Variants in UVRAG observed in about 807,000 individuals in gnomAD.
The protein encoded by UVRAG is UV radiation resistance-associated gene protein.
Under a neutral mutation model 78.0 loss-of-function variants are expected in UVRAG, and 19 were observed. The observed-to-expected ratio is 0.24, with a 90% CI of 0.17 to 0.36. The LOEUF is 0.36. Ranked by LOEUF, UVRAG falls within the 10% of genes least tolerant of loss-of-function variation. UVRAG has a pLI of 1.00. For missense variants in UVRAG, 740 were observed against 853.8 expected, an observed-to-expected ratio of 0.87 and a Z score of 1.66; for synonymous variants, 323 against 324.6, an observed-to-expected ratio of 1.00 and a Z score of 0.05.
At chr11:75,830,289 T>C (rs1236102468) in intron 1 of UVRAG, among the ~76,000 whole-genome samples, 2 of 151,976 alleles carry the variant, frequency 1.3e-5, no homozygotes, top group Admixed American at 1.3e-4. Context: ...TTCTTTTTTT[T>C]TTGAGACAGT....
intron 8 of UVRAG, among the ~76,000 whole-genome samples, chr11:75,993,110 C>A (rs1344182893): frequency 1.3e-5 from 2 of 152,174 alleles, no homozygotes; most frequent in Non-Finnish European, 2.9e-5. Flanking sequence ...CTGTCTGCAT[C>A]TTTTTACACA....
At chr11:76,057,212 A>G (rs1307868450) in intron 12 of UVRAG, among the ~76,000 whole-genome samples, 1 of 92,682 alleles carries the variant, frequency 1.1e-5, no homozygotes, top group African/African-American at 4.7e-5. Context: ...CCACAATCAG[A>G]TTTGATTTTT....
chr11:76,066,323 G>T (rs1273773016), intron 13 of UVRAG, among the ~76,000 whole-genome samples: 2 of 152,100 alleles, frequency 1.3e-5, no homozygotes, highest in African/African-American at 2.4e-5. Context: ...CTTTCCGTAT[G>T]CCGTAGTAAG....
At chr11:76,014,335 C>A (rs1021918045) in intron 11 of UVRAG, among the ~76,000 whole-genome samples, 1 of 152,174 alleles carries the variant, frequency 6.6e-6, no homozygotes, top group African/African-American at 2.4e-5. Context: ...ATTTAAGAGG[C>A]CTGCTCCTTT....
chr11:76,119,177 C>T (rs554524638), intron 14 of UVRAG, among the ~76,000 whole-genome samples: 13 of 152,180 alleles, frequency 8.5e-5, no homozygotes, highest in Non-Finnish European at 1.9e-4. Context: ...TTATCCTGTT[C>T]AGTGGCACCT....
rs75490749 is a variant in UVRAG at position 75,885,007 on chromosome 11, T to C, written c.433-3822T>C. Among the ~76,000 whole-genome samples, 39 of 152,160 alleles carry C rather than the reference T, an allele frequency of 2.6e-4. No individual in the cohort carries two copies. In the East Asian group the frequency reaches 3.9e-3, roughly 15 times the overall value. On this transcript the variant is annotated intron_variant, in intron 4 of 14. Coordinates refer to ENST00000356136, the MANE Select transcript of UVRAG (RefSeq NM_003369.4). ...AGTATTGAGTCTTTCAGTCTATAGATATGTCTCTCCATTTATAAAAATTTT... is the reference window on the plus strand; with the variant it reads ...AGTATTGAGTCTTTCAGTCTATAGACATGTCTCTCCATTTATAAAAATTTT...
chr11:76,043,137 A>T (rs553538238), intron 12 of UVRAG, among the ~76,000 whole-genome samples: 1 of 152,366 alleles, frequency 6.6e-6, no homozygotes, highest in South Asian at 2.1e-4. Context: ...TAACTAAAAA[A>T]TAATATCTGT....
At chr11:75,951,347 GTGTGTGTGTGTGTA>G (rs1237965172) in intron 6 of UVRAG, among the ~76,000 whole-genome samples, 2 of 149,110 alleles carry the variant, frequency 1.3e-5, no homozygotes, top group African/African-American at 5.1e-5. Flanking sequence ...GTGTGTGTGT[GTGTGTGTGTGTGTA>G]TATATTTTTT....
intron 14 of UVRAG, among the ~76,000 whole-genome samples, chr11:76,116,822 T>A (rs1382784268): frequency 1.3e-5 from 2 of 152,174 alleles, no homozygotes; most frequent in African/African-American, 4.8e-5. Flanking sequence ...AAATTCTACC[T>A]CTCTGAAATT....
intron 6 of UVRAG, among the ~76,000 whole-genome samples, chr11:75,938,765 C>G (rs1948428181): frequency 6.6e-6 from 1 of 152,140 alleles, no homozygotes; most frequent in Non-Finnish European, 1.5e-5. Context: ...TCAGATGATT[C>G]ACTGATCAGT....
intron 7 of UVRAG, among the ~76,000 whole-genome samples, chr11:75,978,335 A>C (rs1280157740): frequency 6.6e-6 from 1 of 152,052 alleles, no homozygotes; most frequent in Non-Finnish European, 1.5e-5. Flanking sequence ...TGAATCTGAC[A>C]ATTATGTGTC....
intron 14 of UVRAG, among the ~76,000 whole-genome samples, chr11:76,140,281 A>C (rs1308201471): frequency 2.0e-5 from 3 of 151,778 alleles, no homozygotes; most frequent in Admixed American, 2.0e-4. Flanking sequence ...CCAGATGAGG[A>C]TGCCTGCTTT....
intron 13 of UVRAG, among the ~76,000 whole-genome samples, chr11:76,113,337 T>G (rs1376037708): frequency 6.6e-6 from 1 of 151,990 alleles, no homozygotes; most frequent in Non-Finnish European, 1.5e-5. Context: ...GATAAAGTGT[T>G]TGTGTGAGAG....
intron 8 of UVRAG, among the ~76,000 whole-genome samples, chr11:75,991,156 G>C (rs1243342416): frequency 6.6e-6 from 1 of 152,146 alleles, no homozygotes; most frequent in Non-Finnish European, 1.5e-5. Flanking sequence ...TTATGATAAA[G>C]TCCATTTGTC....
At chr11:76,034,322 C>T (rs756462122) in intron 12 of UVRAG, among the ~76,000 whole-genome samples, 2 of 152,002 alleles carry the variant, frequency 1.3e-5, no homozygotes, top group African/African-American at 2.4e-5. Flanking sequence ...CTCCCGAATA[C>T]CTGGGATTAT....
intron 1 of UVRAG, among the ~76,000 whole-genome samples, chr11:75,819,314 G>C (rs577673777): frequency 6.6e-6 from 1 of 152,218 alleles, no homozygotes; most frequent in South Asian, 2.1e-4. Flanking sequence ...ATTTGAGCAA[G>C]AACTAGTGAC....
intron 6 of UVRAG, among the ~76,000 whole-genome samples, chr11:75,948,146 G>GA (rs1948617520): frequency 6.6e-6 from 1 of 151,982 alleles, no homozygotes; most frequent in Non-Finnish European, 1.5e-5. Context: ...AGTACATGGT[G>GA]GTTTTTTTCT....
chr11:76,023,441 AT>A (rs1013387234), intron 12 of UVRAG, among the ~76,000 whole-genome samples: 2 of 151,778 alleles, frequency 1.3e-5, no homozygotes, highest in Non-Finnish European at 2.9e-5. Flanking sequence ...CTGAACTGTA[AT>A]TTTTTTGCCC....
intron 9 of UVRAG, among the ~76,000 whole-genome samples, chr11:76,007,162 G>A (rs907098010): frequency 1.3e-5 from 2 of 151,962 alleles, no homozygotes; most frequent in East Asian, 1.9e-4. Context: ...GCAGGCATAC[G>A]TCACCAAGCC....
Sources: gnomAD v4.1 joint callset for allele counts (sites outside exome capture counted in the v4.1 genomes callset) on GRCh38, gnomAD v4.1.1 for gene constraint, MANE v1.5 for transcripts, NCBI Gene and HGNC (gene_info 2026-07-23, HGNC 2026-07-21) for gene names.